MED27: variants seen among roughly 807,000 people sequenced by gnomAD.
MED27 encodes the protein mediator of RNA polymerase II transcription subunit 27.
A neutral mutation model predicts 38.2 loss-of-function variants in MED27; 30 were observed. The ratio of observed to expected loss-of-function variants is 0.79; its 90% CI spans 0.59 to 1.07. The LOEUF (loss-of-function observed/expected upper bound fraction) is 1.07, where lower values mean the gene tolerates loss of function less well. Ranked by LOEUF, MED27 falls within the 50% of genes least tolerant of loss-of-function variation. MED27 has a pLI of 0.00. For missense variants in MED27, 289 were observed against 397.5 expected (o/e 0.73, Z 2.32); for synonymous variants, 122 against 153.5 (o/e 0.79, Z 1.52).
chr9:132,077,150 T>C (rs1186839632), intron 2 of MED27, among the ~76,000 whole-genome samples: 1 of 152,186 alleles, frequency 6.6e-6, no homozygotes, highest in Non-Finnish European at 1.5e-5. Flanking sequence ...CACAACATAC[T>C]GCATATAATT....
intron 2 of MED27, among the ~76,000 whole-genome samples, chr9:132,023,216 A>C (rs1832754141): frequency 6.6e-6 from 1 of 152,114 alleles, no homozygotes; most frequent in South Asian, 2.1e-4. Flanking sequence ...CCCCCAAAAG[A>C]AAACAGATGG....
chr9:132,073,249 T>A, intron 2 of MED27: 1 of 884,788 alleles, frequency 1.1e-6, no homozygotes, highest in Non-Finnish European at 1.4e-6. Context: ...CACAACTGGC[T>A]TTCTCAGTAA....
chr9:131,923,820 A>C (rs931503316), intron 4 of MED27, among the ~76,000 whole-genome samples: 2 of 152,210 alleles, frequency 1.3e-5, no homozygotes, highest in African/African-American at 4.8e-5. Flanking sequence ...AAATGAGCAG[A>C]TAAGGGTATT....
intron 3 of MED27, among the ~76,000 whole-genome samples, chr9:131,956,061 T>C (rs1348838590): frequency 6.6e-6 from 1 of 152,198 alleles, no homozygotes; most frequent in East Asian, 1.9e-4. Context: ...AATGCAAAAT[T>C]GGACTAACAT....
chr9:132,020,533 G>C (rs1177123134), intron 2 of MED27, among the ~76,000 whole-genome samples: 2 of 152,174 alleles, frequency 1.3e-5, no homozygotes, highest in African/African-American at 4.8e-5. Context: ...CTTTCAACTA[G>C]AACTAAGATT....
At chr9:131,974,606 G>C (rs1012866557) in intron 3 of MED27, among the ~76,000 whole-genome samples, 2 of 152,232 alleles carry the variant, frequency 1.3e-5, no homozygotes, top group African/African-American at 4.8e-5. Flanking sequence ...CCAAAGAAGA[G>C]GAGTGGGTCA....
In MED27 at chr9:131,954,496, C is replaced by T. The variant is rs148302933; in HGVS notation, c.480-15022G>A. Among the ~76,000 whole-genome samples the T allele has an allele frequency of 1.8e-3, 281 of 152,164 alleles. 1 individual carries two copies. The highest frequency in any genetic ancestry group is 6.0e-3 in the African/African-American group (251 of 41,522). ...CCCTGAACAAACTTTTAGAGGGTGC[C>T]CTCTACAGGTTTAAGGTGGCCTCAA... On this transcript the variant is annotated intron_variant, in intron 3 of 7. Transcript: ENST00000292035.
chr9:132,004,008 G>GTC (rs1232850040), intron 3 of MED27, among the ~76,000 whole-genome samples: 1 of 151,928 alleles, frequency 6.6e-6, no homozygotes, highest in East Asian at 1.9e-4. Context: ...TCCTCACTCT[G>GTC]TCTCTCTCTT....
chr9:131,904,564 G>A (rs1249452406), intron 4 of MED27, among the ~76,000 whole-genome samples: 3 of 149,282 alleles, frequency 2.0e-5, no homozygotes, highest in Non-Finnish European at 4.4e-5. Context: ...TCACTATGTT[G>A]CCCAGGCTGG....
At chr9:131,868,122 G>C (rs1404183150) in intron 6 of MED27, among the ~76,000 whole-genome samples, 1 of 152,298 alleles carries the variant, frequency 6.6e-6, no homozygotes, top group African/African-American at 2.4e-5. Context: ...TGTGGAGTGG[G>C]GGTTTTTCCT....
intron 3 of MED27, among the ~76,000 whole-genome samples, chr9:131,940,033 A>C (rs1253826133): frequency 6.6e-6 from 1 of 150,636 alleles, no homozygotes; most frequent in East Asian, 2.0e-4. Context: ...CAGCCTCCCG[A>C]GTAGCTGGGA....
At chr9:132,073,408 A>G in intron 2 of MED27, 2 of 1,071,602 alleles carry the variant, frequency 1.9e-6, no homozygotes, top group Non-Finnish European at 2.3e-6. Context: ...GAATGATTAC[A>G]GTGTACCAGG....
At chr9:132,034,960 T>A (rs374398606) in intron 2 of MED27, among the ~76,000 whole-genome samples, 8 of 152,198 alleles carry the variant, frequency 5.3e-5, no homozygotes, top group Admixed American at 2.0e-4. Context: ...TACATATGTA[T>A]GTGCACACAA....
intron 2 of MED27, among the ~76,000 whole-genome samples, chr9:132,058,016 C>G (rs1197883269): frequency 6.6e-6 from 1 of 152,048 alleles, no homozygotes; most frequent in Non-Finnish European, 1.5e-5. Flanking sequence ...AATGTTCTAT[C>G]CTCAAGAAAA....
chr9:132,018,427 C>G (rs1371103181), intron 2 of MED27, among the ~76,000 whole-genome samples: 1 of 152,138 alleles, frequency 6.6e-6, no homozygotes, highest in African/African-American at 2.4e-5. Context: ...ATCTTGAGTT[C>G]AAGAAATCAG....
chr9:132,053,716 T>C (rs1266105595), intron 2 of MED27, among the ~76,000 whole-genome samples: 1 of 152,132 alleles, frequency 6.6e-6, no homozygotes, highest in African/African-American at 2.4e-5. Flanking sequence ...CCCATCTTCC[T>C]GCTCTGCTTC....
rs12340685 is a variant in MED27 at position 131,933,752 on chromosome 9, T to C, written c.573+5629A>G. Among the ~76,000 whole-genome samples, 863 of 152,046 alleles carry C rather than the reference T, an allele frequency of 5.7e-3. 6 individuals are homozygous for C. The highest frequency in any genetic ancestry group is 0.02 in the African/African-American group (833 of 41,482). On this transcript the variant is annotated intron_variant, in intron 4 of 7. Transcript: ENST00000292035. ...AATACAAGCCTTATCAAAATACCAATGATATTTTTCAAAGAAATAGAAAAA... is the reference window on the plus strand; with the variant it reads ...AATACAAGCCTTATCAAAATACCAACGATATTTTTCAAAGAAATAGAAAAA...
At chr9:131,958,986 T>C (rs1055364522) in intron 3 of MED27, among the ~76,000 whole-genome samples, 9 of 152,236 alleles carry the variant, frequency 5.9e-5, no homozygotes, top group African/African-American at 1.9e-4. Flanking sequence ...TGTGTTTGAA[T>C]AGAGAAAACA....
At chr9:132,066,599 T>C (rs1216748697) in intron 2 of MED27, among the ~76,000 whole-genome samples, 1 of 152,244 alleles carries the variant, frequency 6.6e-6, no homozygotes, top group East Asian at 1.9e-4. Flanking sequence ...GGCCAGGGAC[T>C]GGCCCCAGCA....
Sources: gnomAD v4.1 joint callset for allele counts (sites outside exome capture counted in the v4.1 genomes callset) on GRCh38, gnomAD v4.1.1 for gene constraint, MANE v1.5 for transcripts, NCBI Gene and HGNC (gene_info 2026-07-23, HGNC 2026-07-21) for gene names.